SUMF1: variants seen among roughly 807,000 people sequenced by gnomAD.
The protein encoded by SUMF1 is formylglycine-generating enzyme.
Under a neutral mutation model 47.6 loss-of-function variants are expected in SUMF1, and 48 were observed. That is an observed-to-expected ratio of 1.01 (90% CI 0.80 to 1.28). The LOEUF is 1.28. Ranked by LOEUF, SUMF1 falls within the 50% of genes most tolerant of loss-of-function variation. The probability of loss-of-function intolerance (pLI) is 0.00; values close to 1 mark genes in which losing one functional copy is unlikely to be tolerated. For synonymous variants in SUMF1, 230 were observed against 192.1 expected, an observed-to-expected ratio of 1.20 and a Z score of -1.63; for missense variants, 571 against 485.4, an observed-to-expected ratio of 1.18 and a Z score of -1.66.
intron 8 of SUMF1, among the ~76,000 whole-genome samples, chr3:4,308,398 ATAAGATGTT>A (rs1698275317): frequency 7.7e-6 from 1 of 129,728 alleles, no homozygotes; most frequent in South Asian, 4.3e-4. Context: ...TATGAAATAA[ATAAGATGTT>A]TAGTAATGTA....
intron 8 of SUMF1, among the ~76,000 whole-genome samples, chr3:4,184,589 A>T (rs533753110): frequency 1.7e-4 from 26 of 152,146 alleles, no homozygotes; most frequent in Non-Finnish European, 3.4e-4. Context: ...GATTCAGATC[A>T]TAATTAATAA....
chr3:4,456,314 G>A (rs187638170), intron 1 of SUMF1, among the ~76,000 whole-genome samples: 1 of 152,208 alleles, frequency 6.6e-6, no homozygotes. Context: ...AGCCAAGGAT[G>A]CATACTCTTG....
intron 3 of SUMF1, among the ~76,000 whole-genome samples, chr3:4,442,308 T>C (rs944880158): frequency 1.4e-5 from 2 of 147,306 alleles, no homozygotes; most frequent in African/African-American, 5.0e-5. Flanking sequence ...CAGGCTGGAG[T>C]GCGGTGGCGC....
At chr3:4,151,135 T>C (rs896363610) in intron 8 of SUMF1, among the ~76,000 whole-genome samples, 2 of 151,074 alleles carry the variant, frequency 1.3e-5, no homozygotes, top group Non-Finnish European at 2.9e-5. Context: ...AGGGGTTTCA[T>C]GCAACAGAGA....
At chr3:4,177,548 A>T (rs1403533048) in intron 8 of SUMF1, among the ~76,000 whole-genome samples, 2 of 152,214 alleles carry the variant, frequency 1.3e-5, no homozygotes, top group Non-Finnish European at 2.9e-5. Context: ...AAGTGTGTAG[A>T]GGGAAATTTA....
chr3:4,094,092 A>G (rs10510282), intron 8 of SUMF1, among the ~76,000 whole-genome samples: 5,943 of 152,194 alleles, frequency 0.039, 392 homozygotes, highest in African/African-American at 0.13. Context: ...AAAGACAATC[A>G]AAGTTGCCTG....
intron 7 of SUMF1, among the ~76,000 whole-genome samples, chr3:4,388,079 A>G (rs561361083): frequency 9.9e-5 from 15 of 152,164 alleles, no homozygotes; most frequent in African/African-American, 3.1e-4. Context: ...TCTCTATCAG[A>G]TCCTTTGGTT....
At chr3:4,422,984 C>T (rs1220467704) in intron 3 of SUMF1, among the ~76,000 whole-genome samples, 1 of 152,040 alleles carries the variant, frequency 6.6e-6, no homozygotes, top group East Asian at 1.9e-4. Flanking sequence ...ATTCTTATGC[C>T]TTTGCATCCT....
At chr3:4,151,347 T>C (rs1336850757) in intron 8 of SUMF1, among the ~76,000 whole-genome samples, 3 of 147,616 alleles carry the variant, frequency 2.0e-5, no homozygotes, top group African/African-American at 5.0e-5. Flanking sequence ...AAAACATAAA[T>C]ATACATACAC....
chr3:4,148,494 G>C (rs2587915), intron 8 of SUMF1, among the ~76,000 whole-genome samples: 46,310 of 151,966 alleles, frequency 0.3, 7,276 homozygotes, highest in East Asian at 0.4. Flanking sequence ...ATGTGCAAGT[G>C]GTTATTTTCT....
At chr3:4,327,333 T>G (rs1698966054) in intron 8 of SUMF1, among the ~76,000 whole-genome samples, 1 of 152,224 alleles carries the variant, frequency 6.6e-6, no homozygotes, top group African/African-American at 2.4e-5. Flanking sequence ...TGTCTAAAAT[T>G]ATCTGAAATC....
intron 8 of SUMF1, among the ~76,000 whole-genome samples, chr3:4,217,986 G>A (rs555928499): frequency 7.2e-5 from 11 of 152,046 alleles, no homozygotes; most frequent in Admixed American, 2.0e-4. Flanking sequence ...AAAACATTCA[G>A]TTTAATATCA....
rs1372019491 is a variant in SUMF1, at chr3:4,399,572, AG to A, written c.954+11292del. On this transcript the variant is annotated intron_variant, in intron 7 of 8. Transcript: ENST00000272902. ...TCTGAAAATATTAAGCAGCAATCAC[AG>A]GCTGAGACAGTGCGGGAACATTTAG... is the stretch of plus-strand genomic sequence containing the variant. Among the ~76,000 whole-genome samples, 5 of 152,336 alleles carry A rather than the reference AG, an allele frequency of 3.3e-5. No individual in the cohort carries two copies. In the East Asian group the frequency reaches 9.6e-4, roughly 29 times the overall value.
intron 7 of SUMF1, among the ~76,000 whole-genome samples, chr3:4,391,106 T>G (rs1700847479): frequency 6.6e-6 from 1 of 152,230 alleles, no homozygotes; most frequent in Non-Finnish European, 1.5e-5. Context: ...TCCTCTGGTC[T>G]CCACTGTTTC....
At chr3:4,243,533 TG>T (rs1213581561) in intron 8 of SUMF1, among the ~76,000 whole-genome samples, 1 of 152,150 alleles carries the variant, frequency 6.6e-6, no homozygotes, top group Non-Finnish European at 1.5e-5. Context: ...ATTAGTCATT[TG>T]GGAGCCAGTT....
In SUMF1 at chr3:4,367,759, G is replaced by T. The variant is rs1391890347; in HGVS notation, c.1015-5505C>A. 8.5e-5 allele frequency among the ~76,000 whole-genome samples: 13 copies of T among 152,132 alleles called. No homozygotes were observed. The East Asian group carries it at 1.9e-3, about 23-fold the overall frequency. On this transcript the variant is annotated intron_variant, in intron 8 of 8. Coordinates refer to ENST00000272902, the MANE Select transcript of SUMF1 (RefSeq NM_182760.4). ...GAAAGGATTCCCTATTTAATAAATG[G>T]TGCTGGGAAACCTGGCTAGCCATAT...
chr3:4,425,679 A>G (rs1229133632), intron 3 of SUMF1, among the ~76,000 whole-genome samples: 1 of 151,858 alleles, frequency 6.6e-6, no homozygotes, highest in Non-Finnish European at 1.5e-5. Flanking sequence ...AAACTAACCC[A>G]CTCTCTAAAG....
At chr3:4,368,274 A>G (rs550690883) in intron 8 of SUMF1, among the ~76,000 whole-genome samples, 1 of 152,340 alleles carries the variant, frequency 6.6e-6, no homozygotes, top group South Asian at 2.1e-4. Flanking sequence ...ATGCAAATCA[A>G]AACCACAATG....
chr3:4,462,878 A>C (rs763397810), intron 1 of SUMF1, among the ~76,000 whole-genome samples: 3 of 152,172 alleles, frequency 2.0e-5, no homozygotes, highest in Non-Finnish European at 4.4e-5. Flanking sequence ...AATGACATTC[A>C]AAGTTTCTTG....
Sources: allele counts gnomAD v4.1 joint callset (sites outside exome capture counted in the v4.1 genomes callset), GRCh38; gene constraint gnomAD v4.1.1; transcripts MANE v1.5; gene names NCBI Gene and HGNC (gene_info 2026-07-23, HGNC 2026-07-21).